PTPN2: variants seen among roughly 807,000 people sequenced by gnomAD.
PTPN2 encodes the protein protein tyrosine phosphatase non-receptor type 2, also known as tyrosine-protein phosphatase non-receptor type 2.
In PTPN2, 19 loss-of-function variants were observed where a neutral mutation model predicts 57.3. That is an observed-to-expected ratio of 0.33 (90% CI 0.23 to 0.49). PTPN2 has a LOEUF of 0.49. Ranked by LOEUF, PTPN2 falls within the 20% of genes least tolerant of loss-of-function variation. The probability of loss-of-function intolerance (pLI) is 0.99; values close to 1 mark genes in which losing one functional copy is unlikely to be tolerated. For synonymous variants in PTPN2, 153 were observed against 164.9 expected, an observed-to-expected ratio of 0.93 and a Z score of 0.55; for missense variants, 358 against 501.1, an observed-to-expected ratio of 0.71 and a Z score of 2.73.
chr18:12,828,035 T>C lies in PTPN2; in HGVS notation c.361-2091A>G, dbSNP rs79580477. Among the ~76,000 whole-genome samples the C allele has an allele frequency of 7.1e-3, 1,085 of 152,056 alleles. 19 individuals are homozygous for C. Among genetic ancestry groups the C allele is most frequent in the African/African-American group, 0.025 (1,055 of 41,488 alleles). On this transcript the variant is annotated intron_variant, in intron 4 of 8. Coordinates refer to ENST00000309660, the MANE Select transcript of PTPN2 (RefSeq NM_002828.4). ...AAAAAGAAAAAAAGAATTCTTTGGG[T>C]AGTGCAGATAAAAAGAACAAGAGAC...
chr18:12,808,778 A>G (rs1045280181), intron 7 of PTPN2, among the ~76,000 whole-genome samples: 10 of 152,366 alleles, frequency 6.6e-5, no homozygotes, highest in Admixed American at 5.9e-4. Flanking sequence ...CTCCGTCTCA[A>G]AAGAACCAAC....
At chr18:12,842,806 A>G (rs550482338) in intron 2 of PTPN2, among the ~76,000 whole-genome samples, 63 of 152,362 alleles carry the variant, frequency 4.1e-4, no homozygotes, top group Middle Eastern at 3.4e-3. Context: ...GTAGAGTGTC[A>G]TAACAATTTA....
rs903427649 is a variant in PTPN2 at position 12,793,496 on chromosome 18, AAGG to A, written c.*779_*781del. The A allele has an allele frequency of 6.4e-5, 63 of 979,532 alleles. No homozygotes were observed. Among genetic ancestry groups the A allele is most frequent in the Non-Finnish European group, 7.6e-5 (63 of 824,150 alleles). 60.7% of individuals were successfully genotyped at this position (979,532 alleles called of 1,614,324 possible). A position where few individuals can be genotyped will look rare whatever the true frequency, so the allele number is the denominator to read the frequency against. On this transcript the variant is annotated 3_prime_UTR_variant, in exon 9 of 9. Coordinates refer to ENST00000309660, the MANE Select transcript of PTPN2 (RefSeq NM_002828.4). The stretch of plus-strand genomic sequence containing the variant: ...CAACTGTTTACCTGACTATCCCAGT[AAGG>A]AGAATTTTCCTTCAAAGATATTTTT...
At position 12,870,309 on chromosome 18, in the gene PTPN2, A is replaced by G. The variant is rs1350122596; in HGVS notation, c.70-11055T>C. Among the ~76,000 whole-genome samples the G allele has an allele frequency of 1.1e-4, 9 of 82,794 alleles. 2 individuals carry two copies. Among genetic ancestry groups the G allele is most frequent in the Non-Finnish European group, 1.9e-4 (9 of 46,200 alleles). 54.3% of individuals were successfully genotyped at this position (82,794 alleles called of 152,430 possible). A position where few individuals can be genotyped will look rare whatever the true frequency, so the allele number is the denominator to read the frequency against. Reference sequence around the variant, plus strand: ...CATATACATATATATGTGTATATATACATATATATGTGTATATATATGTAT... The same window carrying G: ...CATATACATATATATGTGTATATATGCATATATATGTGTATATATATGTAT... On this transcript the variant is annotated intron_variant, in intron 1 of 8. Transcript: ENST00000309660.
chr18:12,807,348 A>G (rs1406832958), intron 7 of PTPN2, among the ~76,000 whole-genome samples: 2 of 151,872 alleles, frequency 1.3e-5, no homozygotes, highest in African/African-American at 4.8e-5. Context: ...AAATTAGTAC[A>G]GCCATCTTGG....
chr18:12,825,190 T>C (rs2042405766), intron 5 of PTPN2, among the ~76,000 whole-genome samples: 1 of 152,220 alleles, frequency 6.6e-6, no homozygotes, highest in South Asian at 2.1e-4. Context: ...TATGTATGTA[T>C]GTGTGCGTGT....
At chr18:12,849,608 C>T (rs981222653) in intron 2 of PTPN2, among the ~76,000 whole-genome samples, 4 of 152,158 alleles carry the variant, frequency 2.6e-5, no homozygotes, top group African/African-American at 9.6e-5. Context: ...TGTTAGCTAC[C>T]CTTACATTCC....
chr18:12,826,372 C>CAG (rs1431100229), intron 4 of PTPN2, among the ~76,000 whole-genome samples: 2 of 152,080 alleles, frequency 1.3e-5, no homozygotes, highest in African/African-American at 4.8e-5. Context: ...CACTGCACTC[C>CAG]AGTCTGGGTG....
chr18:12,870,337 A>G (rs1176280495), intron 1 of PTPN2, among the ~76,000 whole-genome samples: 56 of 39,416 alleles, frequency 1.4e-3, no homozygotes, highest in South Asian at 0.012. Context: ...ATATGTATAT[A>G]TATACATATA....
intron 1 of PTPN2, among the ~76,000 whole-genome samples, chr18:12,861,075 A>T (rs2043792381): frequency 6.6e-6 from 1 of 152,152 alleles, no homozygotes; most frequent in Admixed American, 6.5e-5. Context: ...CCTGGGCTCA[A>T]GTCATCTACC....
At chr18:12,817,046 T>C (rs1021481034) in intron 6 of PTPN2, 110 bp downstream of exon 6, 4 of 1,075,000 alleles carry the variant, frequency 3.7e-6, no homozygotes, top group Admixed American at 5.0e-5. Flanking sequence ...GAAGTTTAAG[T>C]TGAAAAACCT....
intron 8 of PTPN2, among the ~76,000 whole-genome samples, chr18:12,801,379 G>C (rs942030427): frequency 2.8e-4 from 42 of 152,014 alleles, no homozygotes; most frequent in Admixed American, 1.6e-3. Flanking sequence ...TGGACATGGT[G>C]GTGGGCGCCT....
chr18:12,838,568 GAGGGCACTACCTGC>G (rs2042946074), intron 2 of PTPN2, among the ~76,000 whole-genome samples: 3 of 152,360 alleles, frequency 2.0e-5, no homozygotes, highest in Admixed American at 2.0e-4. Flanking sequence ...CAGTAGGGAG[GAGGGCACTACCTGC>G]AGGGCACTGG....
At chr18:12,822,476 G>A (rs1402891072) in intron 5 of PTPN2, among the ~76,000 whole-genome samples, 1 of 152,164 alleles carries the variant, frequency 6.6e-6, no homozygotes, top group Non-Finnish European at 1.5e-5. Flanking sequence ...TGAAAGCCGA[G>A]ATGCAATCTC....
At chr18:12,843,136 C>T (rs1010615395) in intron 2 of PTPN2, among the ~76,000 whole-genome samples, 19 of 152,112 alleles carry the variant, frequency 1.2e-4, no homozygotes, top group Admixed American at 1.1e-3. Flanking sequence ...TACCAACCTA[C>T]ATGATTCCAG....
rs112834166 is a variant in PTPN2 at position 12,793,310 on chromosome 18, A to C, written c.*968T>G. The stretch of plus-strand genomic sequence containing the variant: ...AAAGAAACTGAAAAGTGTTTACTTC[A>C]AAACTTCAGTCTAGTAAACTGAAAT... On this transcript the variant is annotated 3_prime_UTR_variant, in exon 9 of 9. Transcript: ENST00000309660. The C allele has an allele frequency of 1.9e-5, 19 of 975,016 alleles. No homozygotes were observed. The highest frequency in any genetic ancestry group is 2.3e-5 in the Non-Finnish European group (19 of 819,982). 60.4% of individuals were successfully genotyped at this position (975,016 alleles called of 1,614,324 possible).
In PTPN2 at chr18:12,807,827, A is replaced by G. The variant is rs191696011; in HGVS notation, c.859-5676T>C. On this transcript the variant is annotated intron_variant, in intron 7 of 8. Transcript: ENST00000309660. The stretch of plus-strand genomic sequence containing the variant: ...GAGGGGGCATAGTGAGAAACTGAAC[A>G]ACAGTTCAACAGGGGGATGAGTTCT... Among the ~76,000 whole-genome samples the G allele has an allele frequency of 1.1e-3, 165 of 151,908 alleles. 1 individual carries two copies. The highest frequency in any genetic ancestry group is 3.8e-3 in the African/African-American group (156 of 41,470).
chr18:12,870,273 G>GCGTGTATATA (rs1555679400), intron 1 of PTPN2, among the ~76,000 whole-genome samples: 1 of 81,752 alleles, frequency 1.2e-5, no homozygotes, highest in African/African-American at 7.0e-5. Flanking sequence ...ATATATATAT[G>GCGTGTATATA]TATATATATA....
chr18:12,833,068 C>T (rs1346243555), intron 3 of PTPN2, among the ~76,000 whole-genome samples: 3 of 152,214 alleles, frequency 2.0e-5, no homozygotes, highest in East Asian at 1.9e-4. Flanking sequence ...GGATTACAGG[C>T]GTTGAGCCAC....
Sources: allele counts gnomAD v4.1 joint callset (sites outside exome capture counted in the v4.1 genomes callset), GRCh38; gene constraint gnomAD v4.1.1; transcripts MANE v1.5; gene names NCBI Gene and HGNC (gene_info 2026-07-23, HGNC 2026-07-21).